The following EIPR1 variants were observed in gnomAD, a reference collection of about 807,000 sequenced individuals.
EIPR1 encodes the protein EARP and GARP complex-interacting protein 1.
EIPR1 carries 25 observed loss-of-function variants against 48.1 expected under a neutral mutation model. That is an observed-to-expected ratio of 0.52 (90% CI 0.38 to 0.73). The LOEUF is 0.73. Ranked by LOEUF, EIPR1 falls within the 30% of genes least tolerant of loss-of-function variation. The pLI, the probability that EIPR1 is intolerant of heterozygous loss-of-function variation, is 0.00. For missense variants in EIPR1, 415 were observed against 506.2 expected (o/e 0.82, Z 1.73); for synonymous variants, 204 against 201.9 (o/e 1.01, Z -0.09).
intron 3 of EIPR1, among the ~76,000 whole-genome samples, chr2:3,293,733 G>T (rs1176068758): frequency 6.6e-6 from 1 of 152,188 alleles, no homozygotes; most frequent in African/African-American, 2.4e-5. Context: ...ATATGCTGCA[G>T]GTGAGACCCA....
Position 3,189,571 on chromosome 2 carries a change from A to G in EIPR1, c.990-63T>C. On this transcript the variant is annotated intron_variant, in intron 8 of 8. Transcript: ENST00000382125. The surrounding 1 kb of genome is among the most constrained non-coding windows in gnomAD (Gnocchi z 4.6). ...CCGGCGGGGCGGGCAGGAGAGGGGC[A>G]GGGAGGACGCGAGCGCTGACATCGG... The G allele has an allele frequency of 1.4e-6, 2 of 1,444,162 alleles. No individual in the cohort carries two copies. Among genetic ancestry groups the G allele is most frequent in the African/African-American group, 1.4e-5 (1 of 71,324 alleles). 89.5% of individuals were successfully genotyped at this position (1,444,162 alleles called of 1,614,324 possible). A position where few individuals can be genotyped will look rare whatever the true frequency, so the allele number is the denominator to read the frequency against.
chr2:3,211,986 A>G (rs1665473216), intron 5 of EIPR1, among the ~76,000 whole-genome samples: 1 of 152,232 alleles, frequency 6.6e-6, no homozygotes, highest in South Asian at 2.1e-4. Context: ...TTTCCAATTT[A>G]ATTGCAAAAG....
chr2:3,244,113 C>T (rs1379442359), intron 4 of EIPR1, among the ~76,000 whole-genome samples: 1 of 152,264 alleles, frequency 6.6e-6, no homozygotes, highest in Non-Finnish European at 1.5e-5. Flanking sequence ...AGCACGGCTG[C>T]ATCAGCAAAG....
intron 2 of EIPR1, 139 bp downstream of exon 2, chr2:3,354,411 A>C: frequency 1.4e-6 from 1 of 711,890 alleles, no homozygotes. Flanking sequence ...TTGAAGATAG[A>C]CTTAAATCCA....
chr2:3,275,837 G>A (rs1280338280), intron 3 of EIPR1, among the ~76,000 whole-genome samples: 1 of 152,126 alleles, frequency 6.6e-6, no homozygotes, highest in Non-Finnish European at 1.5e-5. Context: ...TTATCTAGCT[G>A]CCAAAGACTA....
chr2:3,306,036 G>A (rs181884588), intron 3 of EIPR1, among the ~76,000 whole-genome samples: 2 of 152,286 alleles, frequency 1.3e-5, no homozygotes, highest in East Asian at 3.9e-4. Flanking sequence ...ACAATGTAAA[G>A]CCACGCCTTT....
intron 3 of EIPR1, among the ~76,000 whole-genome samples, chr2:3,265,722 C>T (rs191712776): frequency 5.3e-4 from 80 of 152,272 alleles, no homozygotes; most frequent in African/African-American, 1.7e-3. Flanking sequence ...GTGTCTGTGC[C>T]GACAGAAGTC....
intron 3 of EIPR1, among the ~76,000 whole-genome samples, chr2:3,262,975 T>C (rs906806724): frequency 2.0e-5 from 3 of 152,124 alleles, no homozygotes; most frequent in Non-Finnish European, 4.4e-5. Context: ...GCCCAAACCA[T>C]ACAAGACTTC....
chr2:3,256,881 A>G (rs1334731004), intron 4 of EIPR1, among the ~76,000 whole-genome samples: 2 of 152,250 alleles, frequency 1.3e-5, no homozygotes, highest in African/African-American at 4.8e-5. Context: ...CCCCACAGGC[A>G]CACCACGCAT....
chr2:3,308,731 C>T (rs111630015), intron 3 of EIPR1, among the ~76,000 whole-genome samples: 1,590 of 152,280 alleles, frequency 0.01, 38 homozygotes, highest in African/African-American at 0.036. Flanking sequence ...CTTCTGAAAA[C>T]TAAAGACAAG....
intron 1 of EIPR1, among the ~76,000 whole-genome samples, chr2:3,365,514 T>C (rs1443396913): frequency 6.6e-6 from 1 of 150,734 alleles, no homozygotes; most frequent in Non-Finnish European, 1.5e-5. Flanking sequence ...TTATTGATCA[T>C]TCTTGGGTGT....
At chr2:3,205,616 C>A (rs1389238554) in intron 5 of EIPR1, among the ~76,000 whole-genome samples, 1 of 152,244 alleles carries the variant, frequency 6.6e-6, no homozygotes, top group Non-Finnish European at 1.5e-5. Context: ...CAAATACAAC[C>A]TAACTGTGGC....
intron 3 of EIPR1, among the ~76,000 whole-genome samples, chr2:3,314,032 G>A (rs567857476): frequency 7.9e-5 from 12 of 152,292 alleles, no homozygotes; most frequent in East Asian, 3.9e-4. Context: ...CCCCTCTCAC[G>A]CTAGCTCCCC....
At chr2:3,212,344 G>A (rs140800170) in intron 5 of EIPR1, among the ~76,000 whole-genome samples, 13 of 152,236 alleles carry the variant, frequency 8.5e-5, no homozygotes, top group East Asian at 3.9e-4. Context: ...CTTTCTCCCC[G>A]GCATCCTCCC....
chr2:3,254,708 G>A (rs1039387197), intron 4 of EIPR1, among the ~76,000 whole-genome samples: 3 of 152,248 alleles, frequency 2.0e-5, no homozygotes, highest in East Asian at 1.9e-4. Context: ...CCTTGGAGGC[G>A]GAAGGGAGGT....
At chr2:3,296,396 A>T (rs1668597374) in intron 3 of EIPR1, among the ~76,000 whole-genome samples, 1 of 125,776 alleles carries the variant, frequency 8.0e-6, no homozygotes, top group Non-Finnish European at 1.6e-5. Flanking sequence ...CTGCACACAC[A>T]CACCCTCCAT....
At chr2:3,336,852 AGG>A (rs1670063749) in intron 3 of EIPR1, among the ~76,000 whole-genome samples, 1 of 136,250 alleles carries the variant, frequency 7.3e-6, no homozygotes, top group Non-Finnish European at 1.6e-5. Flanking sequence ...GGAAGGGAAA[AGG>A]GAAGGGAAGG....
intron 2 of EIPR1, among the ~76,000 whole-genome samples, chr2:3,340,954 G>A (rs1020327631): frequency 2.6e-5 from 4 of 151,838 alleles, no homozygotes; most frequent in African/African-American, 4.8e-5. Context: ...AAAATTAGCC[G>A]GGCGTAGTGG....
At chr2:3,218,081 C>T (rs1408272901) in intron 4 of EIPR1, among the ~76,000 whole-genome samples, 6 of 152,152 alleles carry the variant, frequency 3.9e-5, no homozygotes, top group South Asian at 2.1e-4. Flanking sequence ...CCCAGCATGG[C>T]CCCGATACAC....
Sources: allele counts gnomAD v4.1 joint callset (sites outside exome capture counted in the v4.1 genomes callset), GRCh38; gene constraint gnomAD v4.1.1; non-coding constraint Gnocchi (gnomAD v3.1); transcripts MANE v1.5; gene names NCBI Gene and HGNC (gene_info 2026-07-23, HGNC 2026-07-21).